The following CACNA2D3 variants were observed in gnomAD, a reference collection of about 807,000 sequenced individuals.
CACNA2D3 encodes the protein voltage-dependent calcium channel subunit alpha-2/delta-3.
A neutral mutation model predicts 160.6 loss-of-function variants in CACNA2D3; 60 were observed. The ratio of observed to expected loss-of-function variants is 0.37; its 90% CI spans 0.30 to 0.46. CACNA2D3 has a LOEUF of 0.46. Among genes scored for constraint, CACNA2D3 ranks in the 20% least tolerant of loss-of-function variants. CACNA2D3 has a pLI of 1.00. For missense variants in CACNA2D3, 1,205 were observed against 1,365.0 expected (o/e 0.88, Z 1.85); for synonymous variants, 558 against 492.9 (o/e 1.13, Z -1.75).
chr3:54,816,829 T>C, intron 13 of CACNA2D3, 24 bp from the exon 14 acceptor site: 1 of 1,611,626 alleles, frequency 6.2e-7, no homozygotes, highest in East Asian at 2.2e-5. Flanking sequence ...TTCTTTTTTG[T>C]TTTGTTTTGT....
At chr3:54,147,271 G>A (rs917082730) in intron 2 of CACNA2D3, among the ~76,000 whole-genome samples, 3 of 152,216 alleles carry the variant, frequency 2.0e-5, no homozygotes, top group East Asian at 1.9e-4. Context: ...TGAGGCTGAC[G>A]TGTGAAGTAA....
intron 8 of CACNA2D3, among the ~76,000 whole-genome samples, chr3:54,571,074 G>A (rs982217005): frequency 2.0e-5 from 3 of 152,082 alleles, no homozygotes; most frequent in Non-Finnish European, 4.4e-5. Flanking sequence ...GGTTTGGTCC[G>A]GAAAGGCAGG....
intron 5 of CACNA2D3, among the ~76,000 whole-genome samples, chr3:54,536,658 C>A (rs1701894194): frequency 6.6e-6 from 1 of 152,194 alleles, no homozygotes; most frequent in Non-Finnish European, 1.5e-5. Flanking sequence ...ACAGACTGGC[C>A]CTGGGCCACA....
intron 11 of CACNA2D3, among the ~76,000 whole-genome samples, chr3:54,652,917 G>A (rs1021324603): frequency 1.3e-5 from 2 of 151,770 alleles, no homozygotes; most frequent in African/African-American, 2.4e-5. Context: ...CAAGTAGCTG[G>A]GATGATAGGC....
intron 3 of CACNA2D3, among the ~76,000 whole-genome samples, chr3:54,337,729 A>C (rs1386579385): frequency 6.6e-6 from 1 of 152,170 alleles, no homozygotes; most frequent in Non-Finnish European, 1.5e-5. Flanking sequence ...TAAGCCAGCC[A>C]GTCAAATAGC....
intron 2 of CACNA2D3, among the ~76,000 whole-genome samples, chr3:54,303,557 G>A (rs989528777): frequency 2.6e-5 from 4 of 152,154 alleles, no homozygotes; most frequent in Non-Finnish European, 4.4e-5. Context: ...TATGACTGGA[G>A]TCTGTGAGTT....
intron 30 of CACNA2D3, among the ~76,000 whole-genome samples, chr3:54,986,567 C>A (rs556126451): frequency 6.6e-6 from 1 of 152,312 alleles, no homozygotes; most frequent in East Asian, 1.9e-4. Flanking sequence ...TCCTCCTTTT[C>A]TCCCCCTTTA....
intron 13 of CACNA2D3, among the ~76,000 whole-genome samples, chr3:54,784,907 A>G (rs528927265): frequency 4.6e-5 from 7 of 152,212 alleles, no homozygotes; most frequent in Non-Finnish European, 8.8e-5. Flanking sequence ...CATTTTCACA[A>G]AGGCCTCCAA....
chr3:54,140,765 CTTTG>C (rs948035181), intron 2 of CACNA2D3, among the ~76,000 whole-genome samples: 5 of 152,152 alleles, frequency 3.3e-5, no homozygotes, highest in African/African-American at 9.7e-5. Flanking sequence ...AGAGCAAGAC[CTTTG>C]TTTGGTTGGT....
intron 11 of CACNA2D3, among the ~76,000 whole-genome samples, chr3:54,687,132 TTTG>T (rs796067838): frequency 1.2e-4 from 8 of 64,138 alleles, no homozygotes; most frequent in East Asian, 3.2e-4. Context: ...TTTTTTTTTT[TTTG>T]TTTTTTTTTT....
chr3:54,383,607 A>T (rs1279933773), intron 3 of CACNA2D3, among the ~76,000 whole-genome samples: 1 of 152,196 alleles, frequency 6.6e-6, no homozygotes, highest in African/African-American at 2.4e-5. Flanking sequence ...AAAAAAAGAC[A>T]TGCAGTGCTT....
chr3:54,339,682 T>G (rs1293519298), intron 3 of CACNA2D3, among the ~76,000 whole-genome samples: 1 of 152,180 alleles, frequency 6.6e-6, no homozygotes, highest in East Asian at 1.9e-4. Flanking sequence ...TCAGAATATT[T>G]TACCTACAAC....
chr3:54,529,857 C>A (rs1383792464), intron 5 of CACNA2D3, among the ~76,000 whole-genome samples: 2 of 152,062 alleles, frequency 1.3e-5, no homozygotes, highest in African/African-American at 4.8e-5. Flanking sequence ...ATTTCACAAG[C>A]GGCCATCAGG....
At chr3:54,220,252 G>A (rs115359142) in intron 2 of CACNA2D3, among the ~76,000 whole-genome samples, 2,077 of 152,040 alleles carry the variant, frequency 0.014, 38 homozygotes, top group African/African-American at 0.046. Context: ...GATTGCAAGC[G>A]CATTTGAGAC....
chr3:54,570,050 A>G lies in CACNA2D3; in HGVS notation c.834A>G (p.Thr278=), dbSNP rs778781450. The change falls in exon 8 of 38, where the codon ACA becomes ACG. Residue 278 remains threonine (T), a synonymous_variant. Coordinates refer to ENST00000474759, the MANE Select transcript of CACNA2D3 (RefSeq NM_018398.3). ...KGLRLTIAKQ[T]VSSILDTLGD... ...TCCGTCTGACTATCGCGAAGCAAAC[A>G]GTCTCATCCATTTTGGATACACTTG... is the stretch of plus-strand genomic sequence containing the variant. 6.2e-7 allele frequency: 1 copy of G among 1,614,030 alleles called. No homozygotes were observed. The highest frequency in any genetic ancestry group is 8.5e-7 in the Non-Finnish European group (1 of 1,179,878).
chr3:54,861,931 G>A (rs1699299331), intron 17 of CACNA2D3, among the ~76,000 whole-genome samples: 1 of 152,078 alleles, frequency 6.6e-6, no homozygotes, highest in South Asian at 2.1e-4. Context: ...AGCTCTCTTG[G>A]GTTTATTCAG....
intron 24 of CACNA2D3, among the ~76,000 whole-genome samples, chr3:54,889,134 A>C (rs1231137977): frequency 1.3e-5 from 2 of 149,186 alleles, no homozygotes; most frequent in African/African-American, 4.8e-5. Flanking sequence ...CAGCTGACAT[A>C]TAGAGGATAG....
Position 54,617,879 on chromosome 3 carries a change from T to C in CACNA2D3, c.964-9908T>C, listed in dbSNP as rs1049232727. Among the ~76,000 whole-genome samples the C allele has an allele frequency of 3.9e-5, 6 of 151,908 alleles. No individual in the cohort carries two copies. In the East Asian group the frequency reaches 9.7e-4, roughly 25 times the overall value. Reference sequence around the variant, plus strand: ...CTGGGTCCCCTGTCCCTCCCTTCACTGAGACAGCTGCACTCCCAGTCTTCT... The same window carrying C: ...CTGGGTCCCCTGTCCCTCCCTTCACCGAGACAGCTGCACTCCCAGTCTTCT... On this transcript the variant is annotated intron_variant, in intron 9 of 37. Transcript: ENST00000474759.
In CACNA2D3 at chr3:54,987,662, CAT is replaced by C; in HGVS notation, c.2620-18_2620-17del. ...GGCACATTATTTATCTACACCTCCT[CAT>C]ATGTCTTCTTCCCCATAGACTGGAG... On this transcript the variant is annotated intron_variant, in intron 30 of 37. Coordinates refer to ENST00000474759, the MANE Select transcript of CACNA2D3 (RefSeq NM_018398.3). 4 of 1,542,016 alleles carry C rather than the reference CAT, an allele frequency of 2.6e-6. No homozygotes were observed. The highest frequency in any genetic ancestry group is 3.5e-6 in the Non-Finnish European group (4 of 1,129,352).
Sources: gnomAD v4.1 joint callset for allele counts (sites outside exome capture counted in the v4.1 genomes callset) on GRCh38, gnomAD v4.1.1 for gene constraint, MANE v1.5 for transcripts, NCBI Gene and HGNC (gene_info 2026-07-23, HGNC 2026-07-21) for gene names.